The following SYN3 variants were observed in gnomAD, a reference collection of about 807,000 sequenced individuals.
SYN3 encodes synapsin-3.
In SYN3, 35 loss-of-function variants were observed where a neutral mutation model predicts 65.8. That is an observed-to-expected ratio of 0.53 (90% CI 0.41 to 0.70). The LOEUF (loss-of-function observed/expected upper bound fraction) is 0.70. Ranked by LOEUF, SYN3 falls within the 30% of genes least tolerant of loss-of-function variation. SYN3 has a pLI of 0.00. For synonymous variants in SYN3, 270 were observed against 292.9 expected, an observed-to-expected ratio of 0.92 and a Z score of 0.80; for missense variants, 680 against 749.0, an observed-to-expected ratio of 0.91 and a Z score of 1.08.
intron 6 of SYN3, among the ~76,000 whole-genome samples, chr22:32,616,732 A>C (rs967576926): frequency 3.3e-5 from 5 of 152,200 alleles, no homozygotes; most frequent in African/African-American, 1.2e-4. Context: ...CAACTCAGAA[A>C]TATCAACATT....
intron 6 of SYN3, among the ~76,000 whole-genome samples, chr22:32,670,987 T>C (rs1467149355): frequency 6.6e-6 from 1 of 152,192 alleles, no homozygotes; most frequent in Non-Finnish European, 1.5e-5. Flanking sequence ...GAGCAAAGTG[T>C]GGTGGACCGG....
intron 2 of SYN3, among the ~76,000 whole-genome samples, chr22:32,982,514 C>T (rs1200144530): frequency 6.6e-6 from 1 of 152,178 alleles, no homozygotes; most frequent in Non-Finnish European, 1.5e-5. Flanking sequence ...TCTCCATAAG[C>T]ACCCTAATCC....
chr22:33,044,785 T>C (rs904459332), intron 1 of SYN3, among the ~76,000 whole-genome samples: 1 of 151,802 alleles, frequency 6.6e-6, no homozygotes, highest in African/African-American at 2.4e-5. Flanking sequence ...ACAGGTCTCC[T>C]ACTTGAGGGA....
intron 6 of SYN3, among the ~76,000 whole-genome samples, chr22:32,673,210 AGG>A (rs2060395670): frequency 6.6e-6 from 1 of 152,166 alleles, no homozygotes; most frequent in African/African-American, 2.4e-5. Flanking sequence ...TGCTTTGAAA[AGG>A]GGGATGCTCT....
At chr22:32,555,822 G>A (rs1372125026) in intron 7 of SYN3, among the ~76,000 whole-genome samples, 1 of 152,138 alleles carries the variant, frequency 6.6e-6, no homozygotes, top group Non-Finnish European at 1.5e-5. Flanking sequence ...AGGGGTATCA[G>A]CTCATTAAGA....
chr22:32,909,327 T>G (rs1197661332), intron 4 of SYN3, among the ~76,000 whole-genome samples: 1 of 152,216 alleles, frequency 6.6e-6, no homozygotes, highest in African/African-American at 2.4e-5. Flanking sequence ...CCATTAGCTG[T>G]GTGACCCTGA....
intron 6 of SYN3, among the ~76,000 whole-genome samples, chr22:32,734,418 G>A (rs1482867472): frequency 1.3e-5 from 2 of 152,182 alleles, no homozygotes; most frequent in African/African-American, 2.4e-5. Context: ...CATGTGACCC[G>A]AGGGATGGGG....
chr22:32,550,260 TTATAA>T (rs1286132412), intron 7 of SYN3, among the ~76,000 whole-genome samples: 3 of 152,086 alleles, frequency 2.0e-5, no homozygotes, highest in African/African-American at 7.2e-5. Flanking sequence ...ACCCACAGTA[TTATAA>T]TATACTTATT....
At chr22:32,927,315 G>A (rs1164241966) in intron 4 of SYN3, among the ~76,000 whole-genome samples, 1 of 145,566 alleles carries the variant, frequency 6.9e-6, no homozygotes, top group African/African-American at 2.5e-5. Context: ...CCAGGCTAAA[G>A]TGCAGTGGCG....
intron 6 of SYN3, among the ~76,000 whole-genome samples, chr22:32,656,660 A>C (rs2146977579): frequency 6.6e-6 from 1 of 152,330 alleles, no homozygotes; most frequent in Admixed American, 6.5e-5. Context: ...AAATTATTTT[A>C]GCTGCTATTG....
intron 6 of SYN3, among the ~76,000 whole-genome samples, chr22:32,811,508 C>T (rs921384184): frequency 2.6e-5 from 4 of 152,148 alleles, no homozygotes; most frequent in East Asian, 1.9e-4. Flanking sequence ...AATTCAAAAT[C>T]GTGGTTTGAT....
chr22:32,571,933 T>G (rs951639897), intron 7 of SYN3, among the ~76,000 whole-genome samples: 1 of 151,912 alleles, frequency 6.6e-6, no homozygotes, highest in Non-Finnish European at 1.5e-5. Flanking sequence ...GTGCTCGGTG[T>G]TGGCGCTCCA....
chr22:32,740,556 G>T (rs1286976598), intron 6 of SYN3, among the ~76,000 whole-genome samples: 2 of 152,314 alleles, frequency 1.3e-5, no homozygotes, highest in East Asian at 3.9e-4. Flanking sequence ...TTAAAAACAG[G>T]TGAGACGCAG....
Position 32,801,519 on chromosome 22 carries a change from T to C in SYN3, c.711+63396A>G, listed in dbSNP as rs2046576014. ...GTGCCCACGGCGGCATTATTCCCTA[T>C]AAGGATCTGAACGATCCGGGGGCGG... is the stretch of plus-strand genomic sequence containing the variant. On this transcript the variant is annotated intron_variant, in intron 6 of 13. Transcript: ENST00000358763. The surrounding 1 kb of genome is among the most constrained non-coding windows in gnomAD (Gnocchi z 4.7). 6.6e-6 allele frequency among the ~76,000 whole-genome samples: 1 copy of C among 152,084 alleles called. No individual in the cohort carries two copies. Among genetic ancestry groups the C allele is most frequent in the African/African-American group, 2.4e-5 (1 of 41,432 alleles).
chr22:32,801,294 T>C lies in SYN3; in HGVS notation c.711+63621A>G, dbSNP rs1387429538. Among the ~76,000 whole-genome samples, 1 of 152,210 alleles carries C rather than the reference T, an allele frequency of 6.6e-6. No individual in the cohort carries two copies. The highest frequency in any genetic ancestry group is 1.5e-5 in the Non-Finnish European group (1 of 68,024). Reference sequence around the variant, plus strand: ...TTCCACCAAGCACAGTCAAGGTCTCTAGGACATGGCCACCCCTCACCTGTG... The same window carrying C: ...TTCCACCAAGCACAGTCAAGGTCTCCAGGACATGGCCACCCCTCACCTGTG... On this transcript the variant is annotated intron_variant, in intron 6 of 13. Transcript: ENST00000358763. This position sits in a 1 kb window ranked among gnomAD's most constrained non-coding sequence, Gnocchi z 4.7.
intron 6 of SYN3, among the ~76,000 whole-genome samples, chr22:32,804,200 T>C (rs1370566652): frequency 6.6e-6 from 1 of 152,192 alleles, no homozygotes; most frequent in Non-Finnish European, 1.5e-5. Flanking sequence ...TCCCAAATTG[T>C]TCTGCCTGGG....
intron 4 of SYN3, among the ~76,000 whole-genome samples, chr22:32,879,737 A>G (rs1376459393): frequency 6.6e-6 from 1 of 152,238 alleles, no homozygotes. Flanking sequence ...CCCTTCCCTG[A>G]GTACCTAGCC....
intron 6 of SYN3, among the ~76,000 whole-genome samples, chr22:32,774,683 C>T (rs1236474067): frequency 1.3e-5 from 2 of 152,182 alleles, no homozygotes; most frequent in Non-Finnish European, 1.5e-5. Context: ...CAAGCTCCGC[C>T]TCCGGGGTTC....
rs377213519 is a variant in SYN3 at position 32,688,895 on chromosome 22, G to C, written c.712-92159C>G. Among the ~76,000 whole-genome samples the C allele has an allele frequency of 2.1e-4, 32 of 152,266 alleles. No individual in the cohort carries two copies. In the East Asian group the frequency reaches 5.8e-3, roughly 28 times the overall value. ...AGAGGCAGCCGTAGGCAGGGGCCTG[G>C]GGGTGAGCAAAGCCAGGTTTGAATG... is the stretch of plus-strand genomic sequence containing the variant. On this transcript the variant is annotated intron_variant, in intron 6 of 13. Transcript: ENST00000358763.
Sources: allele counts gnomAD v4.1 joint callset (sites outside exome capture counted in the v4.1 genomes callset), GRCh38; gene constraint gnomAD v4.1.1; non-coding constraint Gnocchi (gnomAD v3.1); transcripts MANE v1.5; gene names NCBI Gene and HGNC (gene_info 2026-07-23, HGNC 2026-07-21).